The following SPOPL variants were observed in gnomAD, a reference collection of about 807,000 sequenced individuals.
The protein encoded by SPOPL is speckle type BTB/POZ protein like.
SPOPL carries 23 observed loss-of-function variants against 53.8 expected under a neutral mutation model. The observed-to-expected ratio is 0.43, with a 90% CI of 0.31 to 0.61. The LOEUF is 0.61. Ranked by LOEUF, SPOPL falls within the 20% of genes least tolerant of loss-of-function variation. SPOPL has a pLI of 0.12. For missense variants in SPOPL, 442 were observed against 466.9 expected, an observed-to-expected ratio of 0.95 and a Z score of 0.49; for synonymous variants, 164 against 149.7, an observed-to-expected ratio of 1.10 and a Z score of -0.70.
At chr2:138,547,782 C>CA (rs1343549718) in intron 1 of SPOPL, among the ~76,000 whole-genome samples, 4 of 152,066 alleles carry the variant, frequency 2.6e-5, no homozygotes, top group African/African-American at 7.2e-5. Context: ...TCAGTGCCTC[C>CA]ACCTGCCAGT....
chr2:138,528,742 TAC>T (rs1684732260), intron 1 of SPOPL, among the ~76,000 whole-genome samples: 1 of 152,222 alleles, frequency 6.6e-6, no homozygotes, highest in Non-Finnish European at 1.5e-5. Context: ...CATTATCTGT[TAC>T]TTACATGCTG....
chr2:138,527,696 A>T (rs1172136720), intron 1 of SPOPL, among the ~76,000 whole-genome samples: 2 of 151,988 alleles, frequency 1.3e-5, no homozygotes. Context: ...CTTCTCTTTT[A>T]TCTATTAGTT....
At chr2:138,565,033 T>G in intron 10 of SPOPL, 40 bp downstream of exon 10, 1 of 1,605,308 alleles carries the variant, frequency 6.2e-7, no homozygotes, top group East Asian at 2.2e-5. Flanking sequence ...TTGCTCTACA[T>G]AAGTGAGATT....
chr2:138,541,026 T>G (rs576140354), intron 1 of SPOPL, among the ~76,000 whole-genome samples: 1 of 152,356 alleles, frequency 6.6e-6, no homozygotes, highest in South Asian at 2.1e-4. Flanking sequence ...ATTGTTTCTG[T>G]TTATATGCTG....
intron 10 of SPOPL, among the ~76,000 whole-genome samples, chr2:138,568,647 G>A (rs1199799843): frequency 6.6e-6 from 1 of 151,992 alleles, no homozygotes; most frequent in Non-Finnish European, 1.5e-5. Flanking sequence ...GAAGAGAAAG[G>A]GACTCTTGAA....
intron 1 of SPOPL, among the ~76,000 whole-genome samples, chr2:138,520,996 G>A (rs1684545468): frequency 6.6e-6 from 1 of 152,128 alleles, no homozygotes; most frequent in Admixed American, 6.5e-5. Context: ...AATTGGACTT[G>A]TCACAACTAG....
intron 5 of SPOPL, among the ~76,000 whole-genome samples, chr2:138,554,084 T>G (rs1685370163): frequency 6.6e-6 from 1 of 151,462 alleles, no homozygotes; most frequent in Non-Finnish European, 1.5e-5. Context: ...TTTTTTTTTT[T>G]TTTAGAATTG....
At chr2:138,504,336 C>T (rs1684168868) in intron 1 of SPOPL, among the ~76,000 whole-genome samples, 1 of 152,210 alleles carries the variant, frequency 6.6e-6, no homozygotes, top group Admixed American at 6.5e-5. Context: ...TTTCATCTCT[C>T]ACTGCTTCCA....
At chr2:138,542,166 A>G (rs1573893066) in intron 1 of SPOPL, among the ~76,000 whole-genome samples, 2 of 152,166 alleles carry the variant, frequency 1.3e-5, no homozygotes, top group South Asian at 2.1e-4. Context: ...TAAGTGGTCA[A>G]TTTTGGAATA....
Position 138,552,628 on chromosome 2 carries a change from C to A in SPOPL, c.427C>A (p.Leu143Ile). 3 of 1,613,016 alleles carry A rather than the reference C, an allele frequency of 1.9e-6. No individual in the cohort carries two copies. Among genetic ancestry groups the A allele is most frequent in the Non-Finnish European group, 2.5e-6 (3 of 1,179,288 alleles). The part of the protein sequence containing the change: ...FKKFIRRDFL[L>I]DEANGLLPDD... ...AAAATTCATTAGAAGGGACTTTTTG[C>A]TTGATGAAGCTAATGGTCTTTTACC... The change falls in exon 5 of 11, where the codon CTT becomes ATT. Residue 143 changes from leucine (L) to isoleucine (I), a missense_variant. Transcript: ENST00000280098.
intron 10 of SPOPL, among the ~76,000 whole-genome samples, chr2:138,567,881 CT>C (rs1159224027): frequency 6.6e-6 from 1 of 152,102 alleles, no homozygotes; most frequent in Admixed American, 6.6e-5. Flanking sequence ...AGATTTGTTG[CT>C]TAAGCATTTA....
rs944063211 is a variant in SPOPL, at chr2:138,550,379, T to C, written c.78+85T>C. 4.4e-6 allele frequency: 7 copies of C among 1,587,588 alleles called. No individual in the cohort carries two copies. The African/African-American group carries it at 8.1e-5, about 18-fold the overall frequency. ...AATAGTATTGTGAAACACTTTGCCA[T>C]AGTTATTAGAAGTGTTAGAAGACTG... On this transcript the variant is annotated intron_variant, in intron 2 of 10. Coordinates refer to ENST00000280098, the MANE Select transcript of SPOPL (RefSeq NM_001001664.3).
chr2:138,572,821 T>G lies in SPOPL; in HGVS notation c.*3741T>G, dbSNP rs577943207. 1.3e-5 allele frequency: 2 copies of G among 152,616 alleles called. No individual in the cohort carries two copies. The highest frequency in any genetic ancestry group is 4.8e-5 in the African/African-American group (2 of 41,460). 9.5% of individuals were successfully genotyped at this position (152,616 alleles called of 1,614,324 possible). ...GAACAAATATTGAGTGCCTATCATA[T>G]GCAAGACTAACTCCTTACTAGGAAT... On this transcript the variant is annotated 3_prime_UTR_variant, in exon 11 of 11. Coordinates refer to ENST00000280098, the MANE Select transcript of SPOPL (RefSeq NM_001001664.3).
intron 1 of SPOPL, among the ~76,000 whole-genome samples, chr2:138,512,507 A>G (rs1460403620): frequency 1.3e-5 from 2 of 152,208 alleles, no homozygotes; most frequent in African/African-American, 2.4e-5. Context: ...TGCACAGTGT[A>G]TAGAGGAAAG....
At chr2:138,542,549 G>A (rs1685096228) in intron 1 of SPOPL, among the ~76,000 whole-genome samples, 2 of 152,108 alleles carry the variant, frequency 1.3e-5, no homozygotes, top group African/African-American at 2.4e-5. Context: ...CAGAGACTAG[G>A]ATTGCAATCC....
chr2:138,573,497 A>G lies in SPOPL; in HGVS notation c.*4417A>G, dbSNP rs1685829326. On this transcript the variant is annotated 3_prime_UTR_variant, in exon 11 of 11. Coordinates refer to ENST00000280098, the MANE Select transcript of SPOPL (RefSeq NM_001001664.3). ...ACGTACCATTAATGTAACAGAGATC[A>G]CCTTTTCCCTGTCATTCCTATCCTG... 6.6e-6 allele frequency: 1 copy of G among 152,198 alleles called. No homozygotes were observed. The highest frequency in any genetic ancestry group is 2.1e-4 in the South Asian group (1 of 4,834). The allele number at this position is 152,198 out of a possible 1,614,324, so 9.4% of individuals were successfully genotyped here. A position where few individuals can be genotyped will look rare whatever the true frequency, so the allele number is the denominator to read the frequency against.
At chr2:138,522,083 C>T (rs1684571194) in intron 1 of SPOPL, among the ~76,000 whole-genome samples, 1 of 152,184 alleles carries the variant, frequency 6.6e-6, no homozygotes, top group Admixed American at 6.5e-5. Flanking sequence ...GAACCCTTAA[C>T]ACCCGGATTG....
rs1401796382 is a variant in SPOPL, at chr2:138,550,547, T to C, written c.143T>C (p.Met48Thr). 1.2e-6 allele frequency: 2 copies of C among 1,611,194 alleles called. No homozygotes were observed. The highest frequency in any genetic ancestry group is 3.3e-5 in the Admixed American group (2 of 59,870). ...AACTTCAGTTTTTGTCGAGAGGAAA[T>C]GGGTGAAGTGTTAAAAAGTTCAACA... is the stretch of plus-strand genomic sequence containing the variant. ...INNFSFCREE[M>T]GEVLKSSTFS... The change falls in exon 3 of 11, where the codon ATG becomes ACG. Residue 48 changes from methionine to threonine, a missense_variant. Met to Thr is a moderately conservative substitution (Grantham distance 81, BLOSUM62 -1). Coordinates refer to ENST00000280098, the MANE Select transcript of SPOPL (RefSeq NM_001001664.3).
chr2:138,554,404 T>C (rs987943259), intron 5 of SPOPL: 3 of 1,177,738 alleles, frequency 2.5e-6, no homozygotes, highest in African/African-American at 3.2e-5. Flanking sequence ...CCACTGTTTG[T>C]TCCACCCCGC....
Sources: gnomAD v4.1 joint callset for allele counts (sites outside exome capture counted in the v4.1 genomes callset) on GRCh38, gnomAD v4.1.1 for gene constraint, MANE v1.5 for transcripts, NCBI Gene and HGNC (gene_info 2026-07-23, HGNC 2026-07-21) for gene names.